NAALADL2: variants seen among roughly 807,000 people sequenced by gnomAD.
The protein encoded by NAALADL2 is inactive N-acetylated-alpha-linked acidic dipeptidase-like protein 2.
In NAALADL2, 76 loss-of-function variants were observed where a neutral mutation model predicts 87.2. The observed-to-expected ratio is 0.87, with a 90% CI of 0.72 to 1.05. The LOEUF is 1.05. NAALADL2 is among the 50% of genes least tolerant of loss of function. NAALADL2 has a pLI of 0.00. For missense variants in NAALADL2, 1,089 were observed against 945.8 expected (o/e 1.15, Z -1.99); for synonymous variants, 354 against 331.0 (o/e 1.07, Z -0.75).
intron 5 of NAALADL2, among the ~76,000 whole-genome samples, chr3:175,439,758 T>C (rs1266457260): frequency 2.0e-5 from 3 of 151,218 alleles, no homozygotes; most frequent in Non-Finnish European, 4.4e-5. Flanking sequence ...GATGATTTGT[T>C]TGAGTTCCTT....
intron 1 of NAALADL2, among the ~76,000 whole-genome samples, chr3:174,962,412 C>CATAT (rs59026426): frequency 2.2e-3 from 198 of 88,960 alleles, no homozygotes; most frequent in Middle Eastern, 0.013. Context: ...GTGACTATGA[C>CATAT]ATATATATAT....
chr3:175,142,925 A>C (rs1332764109), intron 2 of NAALADL2, among the ~76,000 whole-genome samples: 1 of 152,010 alleles, frequency 6.6e-6, no homozygotes, highest in Non-Finnish European at 1.5e-5. Flanking sequence ...AGCTTTTAAA[A>C]TAATGCATGA....
At chr3:175,538,217 A>C (rs529582464) in intron 9 of NAALADL2, among the ~76,000 whole-genome samples, 1 of 152,254 alleles carries the variant, frequency 6.6e-6, no homozygotes, top group South Asian at 2.1e-4. Context: ...TATTCATTTC[A>C]TATGATAGGT....
intron 2 of NAALADL2, among the ~76,000 whole-genome samples, chr3:174,654,963 C>T (rs886421129): frequency 6.6e-6 from 1 of 152,130 alleles, no homozygotes; most frequent in Non-Finnish European, 1.5e-5. Context: ...TCTCGATCTC[C>T]TGACCTCTTG....
At chr3:174,463,745 C>G (rs1430199894) in intron 1 of NAALADL2, among the ~76,000 whole-genome samples, 1 of 151,824 alleles carries the variant, frequency 6.6e-6, no homozygotes, top group South Asian at 2.1e-4. Context: ...GGACTACAGG[C>G]GCCCACCACC....
chr3:174,768,655 G>T (rs1020697026), intron 3 of NAALADL2, among the ~76,000 whole-genome samples: 4 of 152,080 alleles, frequency 2.6e-5, no homozygotes, highest in Non-Finnish European at 4.4e-5. Context: ...TATGACATGA[G>T]CAGATTATAA....
At position 175,389,320 on chromosome 3, in the gene NAALADL2, C is replaced by A. The variant is rs143018733; in HGVS notation, c.1091-57909C>A. ...AATTACTGGCAACGACGCCACCTGG[C>A]AGAATTTACATTTAGATCCAAGAAG... On this transcript the variant is annotated intron_variant, in intron 5 of 13. Transcript: ENST00000454872. Among the ~76,000 whole-genome samples the A allele has an allele frequency of 4.0e-3, 604 of 152,274 alleles. 2 individuals carry two copies. Among genetic ancestry groups the A allele is most frequent in the East Asian group, 8.9e-3 (46 of 5,180 alleles).
intron 13 of NAALADL2, among the ~76,000 whole-genome samples, chr3:175,796,978 A>G (rs7635218): frequency 0.4 from 60,851 of 151,060 alleles, 16,287 homozygotes; most frequent in African/African-American, 0.76. Flanking sequence ...TGCTTTAGTT[A>G]AGAGGAAAAG....
intron 5 of NAALADL2, among the ~76,000 whole-genome samples, chr3:175,365,942 C>T (rs1305911693): frequency 7.0e-6 from 1 of 143,280 alleles, no homozygotes; most frequent in Non-Finnish European, 1.5e-5. Flanking sequence ...CATATGTATA[C>T]ATGTGCCATG....
chr3:175,594,390 C>T (rs1382895677), intron 10 of NAALADL2, among the ~76,000 whole-genome samples: 1 of 152,086 alleles, frequency 6.6e-6, no homozygotes, highest in Non-Finnish European at 1.5e-5. Context: ...TCTATTCAGT[C>T]CACTACTGAT....
chr3:175,185,842 C>T (rs1417813605), intron 2 of NAALADL2, among the ~76,000 whole-genome samples: 2 of 150,892 alleles, frequency 1.3e-5, no homozygotes, highest in Non-Finnish European at 1.5e-5. Context: ...AAAAAACAAG[C>T]CCTCAAAACT....
chr3:175,790,017 T>C (rs1244997596), intron 13 of NAALADL2, among the ~76,000 whole-genome samples: 1 of 152,146 alleles, frequency 6.6e-6, no homozygotes, highest in Non-Finnish European at 1.5e-5. Flanking sequence ...TATTTAGTTA[T>C]CTCAGATTTC....
Position 175,204,597 on chromosome 3 carries a change from G to A in NAALADL2, c.546-29334G>A, listed in dbSNP as rs146200943. Among the ~76,000 whole-genome samples the A allele has an allele frequency of 4.2e-3, 644 of 152,136 alleles. 3 individuals are homozygous for A. The highest frequency in any genetic ancestry group is 0.014 in the African/African-American group (584 of 41,504). ...AACATAGAACTGGACGTCCTAGCAA[G>A]AGCAATTAGACAAGAGAAAAAAAGA... is the stretch of plus-strand genomic sequence containing the variant. On this transcript the variant is annotated intron_variant, in intron 2 of 13. Transcript: ENST00000454872.
At chr3:175,751,053 C>T (rs1746564073) in intron 12 of NAALADL2, among the ~76,000 whole-genome samples, 1 of 151,972 alleles carries the variant, frequency 6.6e-6, no homozygotes, top group South Asian at 2.1e-4. Context: ...TTTCAGTAGA[C>T]AGTCAACTAT....
At chr3:174,933,702 T>G (rs1737251738) in intron 1 of NAALADL2, among the ~76,000 whole-genome samples, 1 of 152,196 alleles carries the variant, frequency 6.6e-6, no homozygotes, top group Admixed American at 6.5e-5. Flanking sequence ...ATAACTGATG[T>G]TATTCAAAGA....
chr3:175,472,412 T>G (rs936346883), intron 9 of NAALADL2, among the ~76,000 whole-genome samples: 3 of 152,204 alleles, frequency 2.0e-5, no homozygotes, highest in African/African-American at 7.2e-5. Flanking sequence ...TATTTCTGCA[T>G]TCTTATTATG....
intron 1 of NAALADL2, chr3:175,060,074 G>A (rs1670655174): frequency 3.3e-6 from 1 of 300,746 alleles, no homozygotes; most frequent in Non-Finnish European, 6.9e-6. Flanking sequence ...AAATGAAAGA[G>A]TGTAAATTGT....
intron 2 of NAALADL2, among the ~76,000 whole-genome samples, chr3:174,661,260 CT>C (rs1434787460): frequency 6.6e-6 from 1 of 152,120 alleles, no homozygotes; most frequent in African/African-American, 2.4e-5. Flanking sequence ...AGAATATTGG[CT>C]TCCATTCTTA....
In NAALADL2 at chr3:175,627,316, GT is replaced by G; in HGVS notation, c.1831del (p.Ser611LeufsTer27). 1.9e-6 allele frequency: 3 copies of G among 1,569,846 alleles called. No individual in the cohort carries two copies. The highest frequency in any genetic ancestry group is 2.3e-5 in the East Asian group (1 of 43,420). ...LEGPSFLSEARFSTRATKIEE... is the reference protein window; with the variant it reads ...LEGPSFLSEAXFSTRATKIEE... ...GGTCCAAGTTTTCTCTCCGAGGCCC[GT>G]TTTTCTACACGAGCAACAAAAATTG... On this transcript the variant is annotated frameshift_variant, in exon 11 of 14. Transcript: ENST00000454872. LOFTEE classifies it high-confidence loss of function.
Sources: allele counts gnomAD v4.1 joint callset (sites outside exome capture counted in the v4.1 genomes callset), GRCh38; gene constraint gnomAD v4.1.1; transcripts MANE v1.5; gene names NCBI Gene and HGNC (gene_info 2026-07-23, HGNC 2026-07-21).